ADCY8: variants seen among roughly 807,000 people sequenced by gnomAD.
ADCY8 encodes adenylate cyclase 8.
A neutral mutation model predicts 119.7 loss-of-function variants in ADCY8; 51 were observed. That is an observed-to-expected ratio of 0.43 (90% CI 0.34 to 0.54). The LOEUF (loss-of-function observed/expected upper bound fraction) is 0.54. ADCY8 is among the 20% of genes least tolerant of loss of function. The probability of loss-of-function intolerance (pLI) is 0.03; values close to 1 mark genes in which losing one functional copy is unlikely to be tolerated. For synonymous variants in ADCY8, 665 were observed against 651.0 expected, an observed-to-expected ratio of 1.02 and a Z score of -0.33; for missense variants, 1,383 against 1,598.8, an observed-to-expected ratio of 0.87 and a Z score of 2.30.
intron 5 of ADCY8, among the ~76,000 whole-genome samples, chr8:130,924,203 CCT>C (rs1820395296): frequency 1.3e-5 from 2 of 152,174 alleles, no homozygotes; most frequent in South Asian, 4.1e-4. Flanking sequence ...AATTATACAA[CCT>C]CTGTTAGCTT....
intron 2 of ADCY8, among the ~76,000 whole-genome samples, chr8:130,972,573 T>C (rs1821955189): frequency 1.3e-5 from 2 of 152,202 alleles, no homozygotes. Flanking sequence ...TTCCCGAGTC[T>C]GAAAAATGGT....
chr8:130,793,380 G>T (rs1352210702), intron 15 of ADCY8, among the ~76,000 whole-genome samples: 1 of 152,164 alleles, frequency 6.6e-6, no homozygotes, highest in African/African-American at 2.4e-5. Flanking sequence ...CGATGAGTGG[G>T]TGACTCTAAT....
chr8:130,903,615 T>G (rs1310123066), intron 7 of ADCY8, among the ~76,000 whole-genome samples, 157 bp downstream of exon 7: 1 of 151,826 alleles, frequency 6.6e-6, no homozygotes, highest in East Asian at 1.9e-4. Context: ...AGGTTAATTC[T>G]GTCCTGAGGA....
intron 1 of ADCY8, among the ~76,000 whole-genome samples, chr8:130,997,745 C>T (rs567236074): frequency 2.6e-5 from 4 of 152,026 alleles, no homozygotes; most frequent in South Asian, 2.1e-4. Context: ...GATGGAAATA[C>T]CACTCCATTG....
intron 14 of ADCY8, among the ~76,000 whole-genome samples, chr8:130,805,858 A>C (rs1043187396): frequency 5.3e-5 from 8 of 152,266 alleles, no homozygotes; most frequent in Admixed American, 4.6e-4. Context: ...ACATGTGAGG[A>C]GAAGGTGGGT....
rs1818906824 is a variant in ADCY8 at position 130,884,573 on chromosome 8, C to T, written c.2100G>A (p.Leu700=). The T allele has an allele frequency of 1.9e-6, 3 of 1,613,668 alleles. No homozygotes were observed. The highest frequency in any genetic ancestry group is 2.5e-6 in the Non-Finnish European group (3 of 1,179,814). ...PFSLMFKDSS[L]EHKYSQMRDE... Reference sequence around the variant, plus strand: ...GGAGACCCAGCTCTACCTTGTGCTCCAGGCTGGAGTCTTTAAACATCAGTG... The same window carrying T: ...GGAGACCCAGCTCTACCTTGTGCTCTAGGCTGGAGTCTTTAAACATCAGTG... The change falls in exon 8 of 18, where the codon CTG becomes CTA. Residue 700 remains leucine (L), a synonymous_variant. Transcript: ENST00000286355.
In ADCY8 at chr8:130,789,187, C is replaced by T. The variant is rs10103256; in HGVS notation, c.3061-3712G>A. Among the ~76,000 whole-genome samples the T allele has an allele frequency of 2.7e-3, 418 of 152,236 alleles. 1 individual carries two copies. Among genetic ancestry groups the T allele is most frequent in the African/African-American group, 9.4e-3 (392 of 41,528 alleles). ...GCAGGTTTTTGAATCAACTATAAGA[C>T]AACAAACCTGTTAAAATAATTACAT... On this transcript the variant is annotated intron_variant, in intron 15 of 17. Transcript: ENST00000286355.
intron 2 of ADCY8, among the ~76,000 whole-genome samples, chr8:130,971,678 C>T (rs1256899814): frequency 6.6e-6 from 1 of 152,166 alleles, no homozygotes; most frequent in African/African-American, 2.4e-5. Context: ...GATGTCTAGT[C>T]TCAGGGAAGG....
intron 1 of ADCY8, among the ~76,000 whole-genome samples, chr8:130,992,714 C>A (rs1011099674): frequency 3.3e-4 from 49 of 150,582 alleles, no homozygotes; most frequent in Non-Finnish European, 6.4e-4. Context: ...CACGGACAGC[C>A]AAAAAAAAAT....
At chr8:130,839,989 A>G (rs892322275) in intron 11 of ADCY8, among the ~76,000 whole-genome samples, 1 of 140,302 alleles carries the variant, frequency 7.1e-6, no homozygotes, top group African/African-American at 2.4e-5. Flanking sequence ...ATCTTGGCAA[A>G]TATACCCAAT....
intron 9 of ADCY8, among the ~76,000 whole-genome samples, chr8:130,862,839 C>T (rs899747040): frequency 7.2e-5 from 11 of 152,162 alleles, no homozygotes; most frequent in African/African-American, 2.7e-4. Context: ...TTTAACTCTA[C>T]TATGATCTGA....
chr8:130,833,046 A>AT (rs1816886246), intron 12 of ADCY8, among the ~76,000 whole-genome samples: 4 of 152,194 alleles, frequency 2.6e-5, no homozygotes, highest in African/African-American at 7.2e-5. Flanking sequence ...TATTTTGTTC[A>AT]TACATATCTT....
intron 16 of ADCY8, among the ~76,000 whole-genome samples, chr8:130,784,712 A>G (rs185573727): frequency 3.3e-5 from 5 of 152,350 alleles, no homozygotes; most frequent in African/African-American, 9.6e-5. Flanking sequence ...CCTGCTGCAC[A>G]CGTACCAAAT....
chr8:130,872,453 G>T (rs1262132713), intron 8 of ADCY8, among the ~76,000 whole-genome samples: 1 of 152,156 alleles, frequency 6.6e-6, no homozygotes, highest in African/African-American at 2.4e-5. Flanking sequence ...TCAGAGTAAG[G>T]CTATCTTGTT....
chr8:130,845,429 T>A (rs1475098361), intron 11 of ADCY8, among the ~76,000 whole-genome samples: 2 of 152,186 alleles, frequency 1.3e-5, no homozygotes, highest in Non-Finnish European at 2.9e-5. Flanking sequence ...ATTTTACAGA[T>A]GAGGAAACTG....
intron 1 of ADCY8, among the ~76,000 whole-genome samples, chr8:130,996,081 A>G (rs1468719575): frequency 1.3e-5 from 2 of 152,140 alleles, no homozygotes; most frequent in Non-Finnish European, 2.9e-5. Flanking sequence ...TGATCTTACA[A>G]TAGCATTGGT....
intron 5 of ADCY8, among the ~76,000 whole-genome samples, chr8:130,920,949 T>G (rs1820282731): frequency 6.6e-6 from 1 of 152,204 alleles, no homozygotes; most frequent in African/African-American, 2.4e-5. Flanking sequence ...CCCTGCAGAT[T>G]TTAGACTTAA....
In ADCY8 at chr8:130,917,720, C is replaced by T. The variant is rs370851333; in HGVS notation, c.1482-7854G>A. ...CTGGATTTTTTAGGACAATTTATTT[C>T]CTGAAATGGCCCTAACTCAGGGGTG... On this transcript the variant is annotated intron_variant, in intron 5 of 17. Transcript: ENST00000286355. Among the ~76,000 whole-genome samples the T allele has an allele frequency of 8.6e-5, 13 of 151,750 alleles. No individual in the cohort carries two copies. The East Asian group carries it at 9.7e-4, about 11-fold the overall frequency.
At chr8:130,969,697 GCAT>G (rs1205124741) in intron 2 of ADCY8, among the ~76,000 whole-genome samples, 1 of 152,166 alleles carries the variant, frequency 6.6e-6, no homozygotes, top group Non-Finnish European at 1.5e-5. Flanking sequence ...ACCATGAGCA[GCAT>G]CTTTATTTAG....
Sources: allele counts gnomAD v4.1 joint callset (sites outside exome capture counted in the v4.1 genomes callset), GRCh38; gene constraint gnomAD v4.1.1; transcripts MANE v1.5; gene names NCBI Gene and HGNC (gene_info 2026-07-23, HGNC 2026-07-21).